The following PCSK9 variants were observed in gnomAD, a reference collection of about 807,000 sequenced individuals.
PCSK9 encodes the protein proprotein convertase subtilisin/kexin type 9.
A neutral mutation model predicts 62.1 loss-of-function variants in PCSK9; 57 were observed. The observed-to-expected ratio is 0.92, with a 90% CI of 0.74 to 1.14. The LOEUF (loss-of-function observed/expected upper bound fraction) is 1.14, where lower values mean the gene tolerates loss of function less well. Ranked by LOEUF, PCSK9 falls within the 50% of genes most tolerant of loss-of-function variation. PCSK9 has a pLI of 0.00. For missense variants in PCSK9, 870 were observed against 959.8 expected, an observed-to-expected ratio of 0.91 and a Z score of 1.24; for synonymous variants, 387 against 409.4, an observed-to-expected ratio of 0.95 and a Z score of 0.66.
chr1:55,052,149 G>A, intron 3 of PCSK9, 129 bp from the exon 4 acceptor site: 1 of 1,303,932 alleles, frequency 7.7e-7, no homozygotes, highest in Non-Finnish European at 1.1e-6. Context: ...TTTTTTGGAG[G>A]TTAAACGAGT....
rs1173147037 is a variant in PCSK9 at position 55,058,209 on chromosome 1, G to A, written c.1354G>A (p.Gly452Ser). 1 of 1,611,666 alleles carries A rather than the reference G, an allele frequency of 6.2e-7. No individual in the cohort carries two copies. Among genetic ancestry groups the A allele is most frequent in the Non-Finnish European group, 8.5e-7 (1 of 1,178,872 alleles). Residue 452 changes from glycine to serine, a missense_variant and splice_region_variant, in exon 8 of 12, where the codon GGT (glycine) becomes AGT (serine). Physicochemically the swap from Gly to Ser is moderately conservative, Grantham distance 56. Transcript: ENST00000302118. ...CCTGCCCCCCAGCACCCATGGGGCA[G>A]GTAAGCAGGATGGCAGGGTGGGCAA... ...AALPPSTHGAGWQLFCRTVWS... is the reference protein window; with the variant it reads ...AALPPSTHGASWQLFCRTVWS...
intron 11 of PCSK9, among the ~76,000 whole-genome samples, chr1:55,062,823 C>T (rs528529582): frequency 5.1e-4 from 78 of 152,196 alleles, no homozygotes; most frequent in Non-Finnish European, 9.1e-4. Context: ...GTGGTCTGGC[C>T]TGGATCTGAA....
intron 1 of PCSK9, among the ~76,000 whole-genome samples, chr1:55,043,053 A>G (rs1644608175): frequency 6.6e-6 from 1 of 152,246 alleles, no homozygotes; most frequent in Admixed American, 6.5e-5. Context: ...CAGTGAAAGC[A>G]GCTTAAGGCC....
chr1:55,062,073 G>A (rs183882050), intron 11 of PCSK9, among the ~76,000 whole-genome samples: 10 of 152,344 alleles, frequency 6.6e-5, no homozygotes, highest in Non-Finnish European at 1.3e-4. Context: ...TCACTCAGCC[G>A]TGACCCAGAG....
chr1:55,042,374 T>A (rs1197111596), intron 1 of PCSK9, among the ~76,000 whole-genome samples: 4 of 152,240 alleles, frequency 2.6e-5, no homozygotes, highest in Non-Finnish European at 4.4e-5. Context: ...AGATTATTTT[T>A]AATTTAGTTG....
intron 5 of PCSK9, among the ~76,000 whole-genome samples, chr1:55,053,304 C>A (rs528947361): frequency 6.6e-6 from 1 of 152,224 alleles, no homozygotes; most frequent in African/African-American, 2.4e-5. Context: ...CAGCGGCCCC[C>A]CTATGAAGTC....
chr1:55,059,407 A>G, intron 9 of PCSK9, 79 bp from the exon 10 acceptor site: 1 of 1,513,170 alleles, frequency 6.6e-7, no homozygotes, highest in South Asian at 1.2e-5. Context: ...AGGGTGCTTG[A>G]GTTGATCCTG....
chr1:55,052,854 G>T, intron 5 of PCSK9, 63 bp downstream of exon 5: 1 of 1,610,884 alleles, frequency 6.2e-7, no homozygotes, highest in African/African-American at 1.3e-5. Context: ...GGTGGCTTGG[G>T]CTGGGCCCAG....
chr1:55,057,539 G>A lies in PCSK9; in HGVS notation c.1180+25G>A, dbSNP rs754991587. On this transcript the variant is annotated intron_variant, in intron 7 of 11. Transcript: ENST00000302118. ...GGTAAGTCACCACCCCACTGCCTCG[G>A]CCACCGTGATGCTAACAGCCCCTTT... 7 of 1,592,920 alleles carry A rather than the reference G, an allele frequency of 4.4e-6. No individual in the cohort carries two copies. The South Asian group carries it at 7.9e-5, about 18-fold the overall frequency.
rs142824171 is a variant in PCSK9 at position 55,052,412 on chromosome 1, G to T, written c.657+1G>T. On this transcript the variant is annotated splice_donor_variant, in intron 4 of 11. Coordinates refer to ENST00000302118, the MANE Select transcript of PCSK9 (RefSeq NM_174936.4). LOFTEE classifies it high-confidence loss of function. ...GGACGGGACCCGCTTCCACAGACAG[G>T]TAAGCACGGCCGTCTGATGGGAGGG... 9.4e-5 allele frequency: 152 copies of T among 1,613,652 alleles called. No homozygotes were observed. Among genetic ancestry groups the T allele is most frequent in the Non-Finnish European group, 1.2e-4 (146 of 1,180,034 alleles).
In PCSK9 at chr1:55,058,576, G is replaced by A. The variant is rs375582388; in HGVS notation, c.1432G>A (p.Ala478Thr). The A allele has an allele frequency of 2.1e-5, 34 of 1,611,936 alleles. No individual in the cohort carries two copies. Among genetic ancestry groups the A allele is most frequent in the East Asian group, 1.8e-4 (8 of 44,872 alleles). Residue 478 changes from alanine to threonine, a missense_variant, in exon 9 of 12, where the codon GCC becomes ACC. Ala to Thr is a moderately conservative substitution (Grantham distance 58). Transcript: ENST00000302118. ...GATGGCCACAGCCGTCGCCCGCTGC[G>A]CCCCAGATGAGGAGCTGCTGAGCTG... The part of the protein sequence containing the change: ...TRMATAVARC[A>T]PDEELLSCSS...
Position 55,052,757 on chromosome 1 carries a change from C to T in PCSK9, c.765C>T (p.Cys255=), listed in dbSNP as rs1644685181. The T allele has an allele frequency of 3.1e-6, 5 of 1,613,190 alleles. No individual in the cohort carries two copies. The highest frequency in any genetic ancestry group is 3.4e-6 in the Non-Finnish European group (4 of 1,179,984). The change falls in exon 5 of 12, where the codon TGC becomes TGT. Residue 255 remains cysteine (C), a synonymous_variant. Transcript: ENST00000302118. The stretch of plus-strand genomic sequence containing the variant: ...TGCGCAGCCTGCGCGTGCTCAACTG[C>T]CAAGGGAAGGGCACGGTTAGCGGCA... ...ASMRSLRVLN[C]QGKGTVSGTL...
At position 55,039,791 on chromosome 1, in the gene PCSK9, G is replaced by A. The variant is rs1269395517; in HGVS notation, c.-47G>A. The A allele has an allele frequency of 3.8e-6, 6 of 1,563,754 alleles. No individual in the cohort carries two copies. Among genetic ancestry groups the A allele is most frequent in the African/African-American group, 2.7e-5 (2 of 74,296 alleles). On this transcript the variant is annotated 5_prime_UTR_variant, in exon 1 of 12. Transcript: ENST00000302118. ...GGCGCCGCCGGCGTGGACCGCGCAC[G>A]GCCTCTAGGTCTCCTCGCCAGGACA...
rs200109442 is a variant in PCSK9 at position 55,046,499 on chromosome 1, C to T, written c.400-24C>T. 163 of 1,614,046 alleles carry T rather than the reference C, an allele frequency of 1.0e-4. 1 individual carries two copies. Among genetic ancestry groups the T allele is most frequent in the African/African-American group, 4.7e-4 (35 of 74,930 alleles). ...CTGTCCAAATGGCTTAAGCAGAGTCCCCCGGCCTCTCTGGCTTCTGCAGGC... is the reference window on the plus strand; with the variant it reads ...CTGTCCAAATGGCTTAAGCAGAGTCTCCCGGCCTCTCTGGCTTCTGCAGGC... On this transcript the variant is annotated intron_variant, in intron 2 of 11. Transcript: ENST00000302118.
chr1:55,058,875 A>G (rs543568471), intron 9 of PCSK9, among the ~76,000 whole-genome samples: 6 of 152,230 alleles, frequency 3.9e-5, no homozygotes, highest in African/African-American at 1.4e-4. Context: ...AGGGTTTCCT[A>G]GAGGCTGCAG....
chr1:55,063,357 G>A lies in PCSK9; in HGVS notation c.1864-12G>A, dbSNP rs763353863. ...GCTAGACATGTGCTTTCTTTTCCTC[G>A]GGCTCTGGCAGGTGACCGTGGCCTG... On this transcript the variant is annotated splice_polypyrimidine_tract_variant and intron_variant, in intron 11 of 11. Coordinates refer to ENST00000302118, the MANE Select transcript of PCSK9 (RefSeq NM_174936.4). 3.1e-6 allele frequency: 5 copies of A among 1,612,624 alleles called. No homozygotes were observed. The highest frequency in any genetic ancestry group is 1.7e-5 in the Admixed American group (1 of 59,836).
chr1:55,050,217 C>T (rs965801259), intron 3 of PCSK9, among the ~76,000 whole-genome samples: 5 of 152,240 alleles, frequency 3.3e-5, no homozygotes, highest in African/African-American at 4.8e-5. Flanking sequence ...GCAGCCAGCC[C>T]GGGGCCTCTG....
intron 10 of PCSK9, among the ~76,000 whole-genome samples, chr1:55,060,503 A>T (rs748705694): frequency 7.9e-5 from 12 of 152,214 alleles, no homozygotes; most frequent in Non-Finnish European, 1.2e-4. Context: ...TGTTCAGGAA[A>T]GATGAGCATA....
intron 3 of PCSK9, among the ~76,000 whole-genome samples, chr1:55,050,419 C>G (rs1482703728): frequency 6.6e-6 from 1 of 152,216 alleles, no homozygotes; most frequent in Non-Finnish European, 1.5e-5. Context: ...CTCAGCCACC[C>G]CTTCCCAGTG....
Sources: allele counts gnomAD v4.1 joint callset (sites outside exome capture counted in the v4.1 genomes callset), GRCh38; gene constraint gnomAD v4.1.1; transcripts MANE v1.5; gene names NCBI Gene and HGNC (gene_info 2026-07-23, HGNC 2026-07-21).